The following MLLT10 variants were observed in gnomAD, a reference collection of about 807,000 sequenced individuals.
The protein encoded by MLLT10 is MLLT10 histone lysine methyltransferase DOT1L cofactor.
A neutral mutation model predicts 129.1 loss-of-function variants in MLLT10; 30 were observed. The observed-to-expected ratio is 0.23, with a 90% CI of 0.17 to 0.32. The LOEUF is 0.32. Ranked by LOEUF, MLLT10 falls within the 10% of genes least tolerant of loss-of-function variation. The pLI is 1.00. For missense variants in MLLT10, 1,119 were observed against 1,268.3 expected, an observed-to-expected ratio of 0.88 and a Z score of 1.79; for synonymous variants, 490 against 446.4, an observed-to-expected ratio of 1.10 and a Z score of -1.23.
intron 13 of MLLT10, among the ~76,000 whole-genome samples, chr10:21,686,431 T>TA (rs2053300051): frequency 6.6e-6 from 1 of 152,170 alleles, no homozygotes; most frequent in Admixed American, 6.5e-5. Flanking sequence ...TTAAATTTCT[T>TA]AAATTTCTCT....
chr10:21,673,816 A>G lies in MLLT10; in HGVS notation c.1518A>G (p.Ser506=). 2 of 1,614,160 alleles carry G rather than the reference A, an allele frequency of 1.2e-6. No individual in the cohort carries two copies. The highest frequency in any genetic ancestry group is 1.1e-5 in the South Asian group (1 of 91,086). ...SSASPTSSVA[S]AAGSITSSSL... is the part of the protein sequence containing the mutation. Reference sequence around the variant, plus strand: ...CTTCACCAACATCATCTGTAGCATCAGCTGCAGGAAGCATAACAAGCTCTA... The same window carrying G: ...CTTCACCAACATCATCTGTAGCATCGGCTGCAGGAAGCATAACAAGCTCTA... Residue 506 remains serine, a synonymous_variant, in exon 11 of 23, where the codon TCA becomes TCG. Coordinates refer to ENST00000307729, the MANE Select transcript of MLLT10 (RefSeq NM_001195626.3).
intron 8 of MLLT10, among the ~76,000 whole-genome samples, chr10:21,633,657 G>A (rs922540213): frequency 1.3e-5 from 2 of 152,106 alleles, no homozygotes; most frequent in African/African-American, 2.4e-5. Flanking sequence ...TTGTGCCACC[G>A]CACTCCTGCC....
intron 16 of MLLT10, 119 bp from the exon 17 acceptor site, chr10:21,730,781 G>C (rs1253291916): frequency 3.1e-6 from 3 of 965,260 alleles, no homozygotes; most frequent in Non-Finnish European, 4.8e-6. Flanking sequence ...GATACTTCTG[G>C]CATAGGCAGC....
At chr10:21,724,381 T>G (rs1336377281) in intron 14 of MLLT10, among the ~76,000 whole-genome samples, 2 of 152,220 alleles carry the variant, frequency 1.3e-5, no homozygotes, top group East Asian at 1.9e-4. Context: ...AAATACAGCT[T>G]CTTCTCTGTG....
At chr10:21,542,881 C>G (rs1285617513) in intron 3 of MLLT10, among the ~76,000 whole-genome samples, 2 of 151,904 alleles carry the variant, frequency 1.3e-5, no homozygotes, top group Non-Finnish European at 2.9e-5. Context: ...GTGAAACCCT[C>G]TTTAAGAAAA....
chr10:21,559,260 T>C (rs2038480768), intron 3 of MLLT10, among the ~76,000 whole-genome samples: 1 of 152,116 alleles, frequency 6.6e-6, no homozygotes, highest in African/African-American at 2.4e-5. Context: ...ATTTTTGTAT[T>C]TGTAGTAGAG....
chr10:21,547,795 T>C (rs542200468), intron 3 of MLLT10, among the ~76,000 whole-genome samples: 1 of 152,312 alleles, frequency 6.6e-6, no homozygotes, highest in South Asian at 2.1e-4. Flanking sequence ...TGCTTTGGCC[T>C]CCCAAAGTGC....
At chr10:21,548,850 G>A (rs1301177224) in intron 3 of MLLT10, among the ~76,000 whole-genome samples, 3 of 151,682 alleles carry the variant, frequency 2.0e-5, no homozygotes, top group Non-Finnish European at 4.4e-5. Flanking sequence ...AATTATATTC[G>A]TTTTTTTATT....
chr10:21,636,185 A>T (rs1763974493), intron 8 of MLLT10, among the ~76,000 whole-genome samples: 4 of 151,976 alleles, frequency 2.6e-5, no homozygotes, highest in African/African-American at 7.3e-5. Flanking sequence ...CAGTGGCATG[A>T]TCATGGCTCA....
intron 3 of MLLT10, among the ~76,000 whole-genome samples, chr10:21,565,661 A>G (rs2039457637): frequency 7.0e-6 from 1 of 143,238 alleles, no homozygotes; most frequent in African/African-American, 2.6e-5. Context: ...GCTGCATTGC[A>G]GTGGCACAAT....
intron 8 of MLLT10, among the ~76,000 whole-genome samples, chr10:21,631,333 A>AAC (rs2046990544): frequency 6.6e-6 from 1 of 151,076 alleles, no homozygotes; most frequent in African/African-American, 2.4e-5. Context: ...AAAAAAAAAA[A>AAC]AAGAAAAGTA....
At chr10:21,600,931 C>T (rs1259392604) in intron 5 of MLLT10, among the ~76,000 whole-genome samples, 3 of 152,016 alleles carry the variant, frequency 2.0e-5, no homozygotes, top group Non-Finnish European at 2.9e-5. Flanking sequence ...CTTGTGGTCT[C>T]TCCTCCCCTG....
chr10:21,599,709 C>T (rs1260484412), intron 5 of MLLT10, among the ~76,000 whole-genome samples: 1 of 152,020 alleles, frequency 6.6e-6, no homozygotes, highest in East Asian at 1.9e-4. Flanking sequence ...GGACTACAGG[C>T]ACACCCATCA....
chr10:21,544,496 G>C (rs1429997244), intron 3 of MLLT10, among the ~76,000 whole-genome samples: 1 of 152,166 alleles, frequency 6.6e-6, no homozygotes, highest in Non-Finnish European at 1.5e-5. Flanking sequence ...TACCCTGACA[G>C]ATACCGAACA....
At chr10:21,613,117 C>T (rs1315972733) in intron 6 of MLLT10, among the ~76,000 whole-genome samples, 1 of 145,752 alleles carries the variant, frequency 6.9e-6, no homozygotes, top group Non-Finnish European at 1.5e-5. Flanking sequence ...TCGCTTAAAC[C>T]TGGGAGGTGG....
At chr10:21,586,476 G>A in intron 4 of MLLT10, 128 bp downstream of exon 4, 1 of 778,482 alleles carries the variant, frequency 1.3e-6, no homozygotes, top group Non-Finnish European at 2.1e-6. Context: ...TAACAGTGGT[G>A]GCTATAATTT....
Position 21,545,522 on chromosome 10 carries a change from G to A in MLLT10, c.240+6610G>A, listed in dbSNP as rs571140420. Among the ~76,000 whole-genome samples, 6 of 152,274 alleles carry A rather than the reference G, an allele frequency of 3.9e-5. No homozygotes were observed. The South Asian group carries it at 1.2e-3, about 32-fold the overall frequency. On this transcript the variant is annotated intron_variant, in intron 3 of 22. Coordinates refer to ENST00000307729, the MANE Select transcript of MLLT10 (RefSeq NM_001195626.3). ...AGAGGATTTGATTGTTGTGTGGAAA[G>A]TATAAGGAAAGAGAAAAATTAAAGG...
At chr10:21,654,845 G>C (rs1221771664) in intron 9 of MLLT10, among the ~76,000 whole-genome samples, 1 of 152,096 alleles carries the variant, frequency 6.6e-6, no homozygotes, top group Non-Finnish European at 1.5e-5. Flanking sequence ...ATGAGGGATA[G>C]TATATACTGG....
At chr10:21,577,495 C>T (rs925888311) in intron 3 of MLLT10, among the ~76,000 whole-genome samples, 5 of 149,660 alleles carry the variant, frequency 3.3e-5, no homozygotes, top group Non-Finnish European at 7.4e-5. Flanking sequence ...CGGAAGTCTC[C>T]CTCTGTTGCC....
Sources: gnomAD v4.1 joint callset for allele counts (sites outside exome capture counted in the v4.1 genomes callset) on GRCh38, gnomAD v4.1.1 for gene constraint, MANE v1.5 for transcripts, NCBI Gene and HGNC (gene_info 2026-07-23, HGNC 2026-07-21) for gene names.